AMER2: variants seen among roughly 807,000 people sequenced by gnomAD.
AMER2 encodes the protein APC membrane recruitment protein 2.
Under a neutral mutation model 4.7 loss-of-function variants are expected in AMER2, and 1 was observed. The ratio of observed to expected loss-of-function variants is 0.21; its 90% CI spans 0.07 to 1.00. AMER2 has a LOEUF of 1.00. Ranked by LOEUF, AMER2 falls within the 50% of genes least tolerant of loss-of-function variation. AMER2 has a pLI of 0.60. For synonymous variants in AMER2, 485 were observed against 433.3 expected, an observed-to-expected ratio of 1.12 and a Z score of -1.48; for missense variants, 988 against 966.9, an observed-to-expected ratio of 1.02 and a Z score of -0.29.
Position 25,171,019 on chromosome 13 carries a change from T to C in AMER2, c.601A>G (p.Met201Val). 1.9e-6 allele frequency: 3 copies of C among 1,569,692 alleles called. No homozygotes were observed. The highest frequency in any genetic ancestry group is 1.1e-5 in the South Asian group (1 of 87,004). Residue 201 changes from methionine to valine, a missense_variant, in exon 1 of 1, where the codon ATG (methionine) becomes GTG (valine). Physicochemically the swap from Met to Val is conservative, Grantham distance 21. Transcript: ENST00000515384. The surrounding 1 kb of genome is among the most constrained non-coding windows in gnomAD (Gnocchi z 5.9). ...CGCTTGTCTTTCCTGTGCCAGCGCA[T>C]GCCGCTGAACAGCCCCCGCAGCCCC... ...KRGLRGLFSG[M>V]RWHRKDKRAK... is the part of the protein sequence containing the mutation.
chr13:25,171,095 G>C lies in AMER2; in HGVS notation c.525C>G (p.Asn175Lys). 6.4e-7 allele frequency: 1 copy of C among 1,566,116 alleles called. No homozygotes were observed. The highest frequency in any genetic ancestry group is 8.6e-7 in the Non-Finnish European group (1 of 1,157,330). ...SLLKKNGRSENGKGEPVDASK... is the reference protein window; with the variant it reads ...SLLKKNGRSEKGKGEPVDASK... ...TCGCGTCCACAGGCTCTCCCTTGCC[G>C]TTTTCCGAGCGCCCGTTCTTCTTCA... Residue 175 changes from asparagine (N) to lysine (K), a missense_variant, in exon 1 of 1, where the codon AAC (asparagine) becomes AAG (lysine). Transcript: ENST00000515384. The surrounding 1 kb of genome is among the most constrained non-coding windows in gnomAD (Gnocchi z 5.9).
rs879555729 is a variant in AMER2, at chr13:25,171,131, G to T, written c.489C>A (p.Phe163Leu). 6 of 1,554,530 alleles carry T rather than the reference G, an allele frequency of 3.9e-6. No homozygotes were observed. In the East Asian group the frequency reaches 7.9e-5, roughly 21 times the overall value. The part of the protein sequence containing the change: ...ASSSVAKSHS[F>L]FSLLKKNGRS... ...GCCCGTTCTTCTTCAGCAGCGAGAAGAAGCTGTGCGACTTGGCCACCGAGC... is the reference window on the plus strand; with the variant it reads ...GCCCGTTCTTCTTCAGCAGCGAGAATAAGCTGTGCGACTTGGCCACCGAGC... Residue 163 changes from phenylalanine to leucine, a missense_variant, in exon 1 of 1, where the codon TTC becomes TTA. By Grantham distance (22) the Phe-to-Leu change is conservative (BLOSUM62 0). Coordinates refer to ENST00000515384, the MANE Select transcript of AMER2 (RefSeq NM_152704.4). This position sits in a 1 kb window ranked among gnomAD's most constrained non-coding sequence, Gnocchi z 5.9.
At position 25,166,919 on chromosome 13, in the gene AMER2, C is replaced by G. The variant is rs189419674; in HGVS notation, c.*2685G>C. The G allele has an allele frequency of 6.6e-6, 1 of 152,044 alleles. No individual in the cohort carries two copies. Among genetic ancestry groups the G allele is most frequent in the African/African-American group, 2.4e-5 (1 of 41,498 alleles). The allele number at this position is 152,044 out of a possible 1,614,324, so 9.4% of individuals were successfully genotyped here. Reference sequence around the variant, plus strand: ...GATTGAGGCTGTTTAATTCATTGCCCAAATCCTTTATTTGATTGGTGTGGG... The same window carrying G: ...GATTGAGGCTGTTTAATTCATTGCCGAAATCCTTTATTTGATTGGTGTGGG... On this transcript the variant is annotated 3_prime_UTR_variant, in exon 1 of 1. Transcript: ENST00000515384.
In AMER2 at chr13:25,162,099, A is replaced by T. The variant is rs1324892162; in HGVS notation, c.*7505T>A. ...TTTAACATTCTATTATAAAAATAAC[A>T]TCTATAAACCTACTAACAATTTTCC... On this transcript the variant is annotated 3_prime_UTR_variant, in exon 1 of 1. Transcript: ENST00000515384. 6.6e-6 allele frequency: 1 copy of T among 152,174 alleles called. No individual in the cohort carries two copies. Among genetic ancestry groups the T allele is most frequent in the Non-Finnish European group, 1.5e-5 (1 of 68,038 alleles). The allele number at this position is 152,174 out of a possible 1,614,324, so 9.4% of individuals were successfully genotyped here.
At position 25,168,346 on chromosome 13, in the gene AMER2, T is replaced by C. The variant is rs956771981; in HGVS notation, c.*1258A>G. 3.9e-5 allele frequency: 6 copies of C among 152,214 alleles called. No homozygotes were observed. The highest frequency in any genetic ancestry group is 8.8e-5 in the Non-Finnish European group (6 of 68,038). 9.4% of individuals were successfully genotyped at this position (152,214 alleles called of 1,614,324 possible). On this transcript the variant is annotated 3_prime_UTR_variant, in exon 1 of 1. Transcript: ENST00000515384. ...GGCAAATGATGTGAAAAACTGTATC[T>C]TTCTATTGTTTTTCTTTATGTGTTC... is the stretch of plus-strand genomic sequence containing the variant.
Position 25,166,600 on chromosome 13 carries a change from C to T in AMER2, c.*3004G>A, listed in dbSNP as rs1956482395. 1 of 152,170 alleles carries T rather than the reference C, an allele frequency of 6.6e-6. No individual in the cohort carries two copies. The highest frequency in any genetic ancestry group is 2.1e-4 in the South Asian group (1 of 4,834). 9.4% of individuals were successfully genotyped at this position (152,170 alleles called of 1,614,324 possible). A position where few individuals can be genotyped will look rare whatever the true frequency, so the allele number is the denominator to read the frequency against. On this transcript the variant is annotated 3_prime_UTR_variant, in exon 1 of 1. Coordinates refer to ENST00000515384, the MANE Select transcript of AMER2 (RefSeq NM_152704.4). ...CTTTCAACTAAAGGAAGTCAATCAA[C>T]CAAGTATCTTAGAATATACATACAT... is the stretch of plus-strand genomic sequence containing the variant.
In AMER2 at chr13:25,162,703, C is replaced by A. The variant is rs1020364024; in HGVS notation, c.*6901G>T. 2.0e-5 allele frequency: 3 copies of A among 152,174 alleles called. No individual in the cohort carries two copies. Among genetic ancestry groups the A allele is most frequent in the Admixed American group, 2.0e-4 (3 of 15,272 alleles). 9.4% of individuals were successfully genotyped at this position (152,174 alleles called of 1,614,324 possible). On this transcript the variant is annotated 3_prime_UTR_variant, in exon 1 of 1. Transcript: ENST00000515384. ...TTAAATGATTCAGGTCTGAGAGTAT[C>A]TGAGAAGGTATAGTATGTCTCAGGT...
rs557259592 is a variant in AMER2 at position 25,169,431 on chromosome 13, T to C, written c.*173A>G. ...TGTAGCATCCCTCTTTCTGGTGTTA[T>C]CCGGTCCCTGCTCAGGGCACAAAGA... On this transcript the variant is annotated 3_prime_UTR_variant, in exon 1 of 1. Transcript: ENST00000515384. The surrounding 1 kb of genome is among the most constrained non-coding windows in gnomAD (Gnocchi z 4.2). 8.2e-6 allele frequency: 6 copies of C among 731,282 alleles called. No individual in the cohort carries two copies. The South Asian group carries it at 1.0e-4, about 13-fold the overall frequency. 45.3% of individuals were successfully genotyped at this position (731,282 alleles called of 1,614,324 possible).
rs1956506345 is a variant in AMER2, at chr13:25,168,571, T to C, written c.*1033A>G. On this transcript the variant is annotated 3_prime_UTR_variant, in exon 1 of 1. Coordinates refer to ENST00000515384, the MANE Select transcript of AMER2 (RefSeq NM_152704.4). Reference sequence around the variant, plus strand: ...GAACCCATATAAAACAAAATCAGAATCGCTTCCCATTACAGTACATAACAG... The same window carrying C: ...GAACCCATATAAAACAAAATCAGAACCGCTTCCCATTACAGTACATAACAG... 1 of 151,344 alleles carries C rather than the reference T, an allele frequency of 6.6e-6. No homozygotes were observed. Among genetic ancestry groups the C allele is most frequent in the African/African-American group, 2.4e-5 (1 of 41,104 alleles). 9.4% of individuals were successfully genotyped at this position (151,344 alleles called of 1,614,324 possible).
In AMER2 at chr13:25,170,156, G is replaced by C; in HGVS notation, c.1464C>G (p.Val488=). 1.9e-6 allele frequency: 3 copies of C among 1,613,954 alleles called. No homozygotes were observed. The highest frequency in any genetic ancestry group is 3.3e-5 in the Admixed American group (2 of 60,012). Residue 488 remains valine, a synonymous_variant, in exon 1 of 1, where the codon GTC becomes GTG. Coordinates refer to ENST00000515384, the MANE Select transcript of AMER2 (RefSeq NM_152704.4). The surrounding 1 kb of genome is among the most constrained non-coding windows in gnomAD (Gnocchi z 7.3). ...CVEAAKDASS[V]KRRRLNRIPI... ...GAATCCGGTTGAGCCTCCTGCGCTT[G>C]ACCGAGGACGCGTCCTTGGCCGCTT... is the stretch of plus-strand genomic sequence containing the variant.
rs199694902 is a variant in AMER2, at chr13:25,171,064, C to T, written c.556G>A (p.Ala186Thr). The stretch of plus-strand genomic sequence containing the variant: ...AGCCCCCGCTTTTGTTTGCCGCCGG[C>T]CTTGCTCGCGTCCACAGGCTCTCCC... ...GKGEPVDASK[A>T]GGKQKRGLRG... The change falls in exon 1 of 1, where the codon GCC (alanine) becomes ACC (threonine). Residue 186 changes from alanine to threonine, a missense_variant. Transcript: ENST00000515384. This position sits in a 1 kb window ranked among gnomAD's most constrained non-coding sequence, Gnocchi z 5.9. 45 of 1,578,234 alleles carry T rather than the reference C, an allele frequency of 2.9e-5. No individual in the cohort carries two copies. The highest frequency in any genetic ancestry group is 3.9e-5 in the Non-Finnish European group (45 of 1,163,754).
At position 25,168,164 on chromosome 13, in the gene AMER2, C is replaced by A. The variant is rs1956500770; in HGVS notation, c.*1440G>T. ...CATTCAAACTAGGCATATAATAACC[C>A]TTTCTGAAATAAATGTTTCATCTGA... On this transcript the variant is annotated 3_prime_UTR_variant, in exon 1 of 1. Transcript: ENST00000515384. 1 of 152,132 alleles carries A rather than the reference C, an allele frequency of 6.6e-6. No homozygotes were observed. The highest frequency in any genetic ancestry group is 1.5e-5 in the Non-Finnish European group (1 of 68,004). The allele number at this position is 152,132 out of a possible 1,614,324, so 9.4% of individuals were successfully genotyped here.
In AMER2 at chr13:25,165,896, G is replaced by C. The variant is rs1212836784; in HGVS notation, c.*3708C>G. 1 of 152,248 alleles carries C rather than the reference G, an allele frequency of 6.6e-6. No individual in the cohort carries two copies. The highest frequency in any genetic ancestry group is 2.4e-5 in the African/African-American group (1 of 41,468). The allele number at this position is 152,248 out of a possible 1,614,324, so 9.4% of individuals were successfully genotyped here. On this transcript the variant is annotated 3_prime_UTR_variant, in exon 1 of 1. Coordinates refer to ENST00000515384, the MANE Select transcript of AMER2 (RefSeq NM_152704.4). The stretch of plus-strand genomic sequence containing the variant: ...GCGTCATGTGAAGTGTCCCGTCACT[G>C]CTGTCTGAGGGCACTTAGGAGACAT...
In AMER2 at chr13:25,166,393, T is replaced by C. The variant is rs1282988153; in HGVS notation, c.*3211A>G. ...AATGCTGTAGTAAAATTTCTCCCAA[T>C]TGGTGCTAATGGCAGGATAAACGCA... On this transcript the variant is annotated 3_prime_UTR_variant, in exon 1 of 1. Coordinates refer to ENST00000515384, the MANE Select transcript of AMER2 (RefSeq NM_152704.4). The C allele has an allele frequency of 3.3e-5, 5 of 152,214 alleles. No homozygotes were observed. Among genetic ancestry groups the C allele is most frequent in the African/African-American group, 9.6e-5 (4 of 41,462 alleles). The allele number at this position is 152,214 out of a possible 1,614,324, so 9.4% of individuals were successfully genotyped here. A position where few individuals can be genotyped will look rare whatever the true frequency, so the allele number is the denominator to read the frequency against.
At position 25,168,688 on chromosome 13, in the gene AMER2, A is replaced by G. The variant is rs1395325072; in HGVS notation, c.*916T>C. 1 of 152,664 alleles carries G rather than the reference A, an allele frequency of 6.6e-6. No homozygotes were observed. The highest frequency in any genetic ancestry group is 1.5e-5 in the Non-Finnish European group (1 of 68,046). The allele number at this position is 152,664 out of a possible 1,614,324, so 9.5% of individuals were successfully genotyped here. On this transcript the variant is annotated 3_prime_UTR_variant, in exon 1 of 1. Transcript: ENST00000515384. ...GAATTATCCAGAATAATTCTATTGA[A>G]TTGACTGATTACAAAATGTTAACAG...
Position 25,171,883 on chromosome 13 carries a change from G to A in AMER2, c.-264C>T. On this transcript the variant is annotated 5_prime_UTR_variant, in exon 1 of 1. Transcript: ENST00000515384. The surrounding 1 kb of genome is among the most constrained non-coding windows in gnomAD (Gnocchi z 5.9). ...TTGCAGAAATTCGAGTCGTAATTAT[G>A]GAATTCAAATTCCCTCAACTCTCAC... 3.7e-6 allele frequency: 2 copies of A among 535,680 alleles called. No individual in the cohort carries two copies. The highest frequency in any genetic ancestry group is 5.7e-6 in the Non-Finnish European group (2 of 348,566). 33.2% of individuals were successfully genotyped at this position (535,680 alleles called of 1,614,324 possible).
Position 25,162,188 on chromosome 13 carries a change from G to A in AMER2, c.*7416C>T, listed in dbSNP as rs2994835. The A allele has an allele frequency of 5.3e-5, 8 of 152,102 alleles. No individual in the cohort carries two copies. The East Asian group carries it at 5.8e-4, about 11-fold the overall frequency. The allele number at this position is 152,102 out of a possible 1,614,324, so 9.4% of individuals were successfully genotyped here. A position where few individuals can be genotyped will look rare whatever the true frequency, so the allele number is the denominator to read the frequency against. On this transcript the variant is annotated 3_prime_UTR_variant, in exon 1 of 1. Coordinates refer to ENST00000515384, the MANE Select transcript of AMER2 (RefSeq NM_152704.4). ...AAAGACATGCCTGACTTTCAGGAAA[G>A]CTAATTATGGAAATGGAGTTTCTCG...
Position 25,168,234 on chromosome 13 carries a change from A to G in AMER2, c.*1370T>C, listed in dbSNP as rs1956501837. 6.6e-6 allele frequency: 1 copy of G among 152,218 alleles called. No homozygotes were observed. The highest frequency in any genetic ancestry group is 1.9e-4 in the East Asian group (1 of 5,202). 9.4% of individuals were successfully genotyped at this position (152,218 alleles called of 1,614,324 possible). On this transcript the variant is annotated 3_prime_UTR_variant, in exon 1 of 1. Coordinates refer to ENST00000515384, the MANE Select transcript of AMER2 (RefSeq NM_152704.4). ...AGAAGCAAACCACTTTTCAAAAAAA[A>G]CTTGGCATAAAGTGTTTACAATACA...
Position 25,171,383 on chromosome 13 carries a change from G to C in AMER2, c.237C>G (p.Thr79=). 1 of 1,612,922 alleles carries C rather than the reference G, an allele frequency of 6.2e-7. No individual in the cohort carries two copies. The highest frequency in any genetic ancestry group is 2.2e-5 in the East Asian group (1 of 44,800). Residue 79 remains threonine (T), a synonymous_variant, in exon 1 of 1, where the codon ACC becomes ACG. Transcript: ENST00000515384. This position sits in a 1 kb window ranked among gnomAD's most constrained non-coding sequence, Gnocchi z 5.9. ...KLFKKRKSGG[T]MPSIFGVKNK... ...TTTTGACCCCAAAAATGCTGGGCAT[G>C]GTGCCACCCGATTTCCTCTTCTTGA...
Sources: gnomAD v4.1 joint callset for allele counts on GRCh38, gnomAD v4.1.1 for gene constraint, Gnocchi (gnomAD v3.1) non-coding constraint, MANE v1.5 for transcripts, NCBI Gene and HGNC (gene_info 2026-07-23, HGNC 2026-07-21) for gene names.